POLQ: variants seen among roughly 807,000 people sequenced by gnomAD.
POLQ encodes epididymis secretory sperm binding protein.
A neutral mutation model predicts 259.2 loss-of-function variants in POLQ; 233 were observed. The observed-to-expected ratio is 0.90, with a 90% confidence interval of 0.81 to 1.00. The LOEUF (loss-of-function observed/expected upper bound fraction) is 1.00, where lower values mean the gene tolerates loss of function less well. Ranked by LOEUF, POLQ falls within the 50% of genes least tolerant of loss-of-function variation. POLQ has a pLI of 0.00. For missense variants in POLQ, 2,871 were observed against 3,051.6 expected, an observed-to-expected ratio of 0.94 and a Z score of 1.39; for synonymous variants, 1,025 against 1,048.8, an observed-to-expected ratio of 0.98 and a Z score of 0.44.
chr3:121,527,960 A>G (rs1417052298), intron 7 of POLQ, among the ~76,000 whole-genome samples: 1 of 152,252 alleles, frequency 6.6e-6, no homozygotes, highest in Non-Finnish European at 1.5e-5. Flanking sequence ...TTACTGCAAC[A>G]GCAGCAGGAG....
chr3:121,538,585 CA>C (rs34448538), intron 4 of POLQ, among the ~76,000 whole-genome samples: 3,880 of 96,960 alleles, frequency 0.04, 54 homozygotes, highest in Non-Finnish European at 0.053. Flanking sequence ...ATTCATTCAC[CA>C]AAAAAAAAAA....
intron 2 of POLQ, among the ~76,000 whole-genome samples, chr3:121,544,306 T>G (rs1178832282): frequency 1.3e-5 from 2 of 151,486 alleles, no homozygotes; most frequent in Non-Finnish European, 2.9e-5. Flanking sequence ...TAAGCCCACA[T>G]AGCGCCACTG....
intron 6 of POLQ, 54 bp from the exon 7 acceptor site, chr3:121,529,846 A>G: frequency 7.1e-7 from 1 of 1,402,722 alleles, no homozygotes. Context: ...AGATTCTCAC[A>G]TCAGTTTAAA....
At chr3:121,526,318 A>G (rs2048373514) in intron 7 of POLQ, among the ~76,000 whole-genome samples, 1 of 152,202 alleles carries the variant, frequency 6.6e-6, no homozygotes, top group Non-Finnish European at 1.5e-5. Context: ...TGTACAACCA[A>G]AAGACTGGCA....
chr3:121,540,878 C>G (rs1162608853), intron 3 of POLQ, among the ~76,000 whole-genome samples: 1 of 146,762 alleles, frequency 6.8e-6, no homozygotes, highest in South Asian at 2.2e-4. Context: ...TTTTAATTTC[C>G]TTCTGTAAAT....
chr3:121,468,876 A>G (rs903924895), intron 22 of POLQ, among the ~76,000 whole-genome samples: 50 of 152,318 alleles, frequency 3.3e-4, no homozygotes, highest in Non-Finnish European at 1.2e-4. Flanking sequence ...TCATTCATCA[A>G]GAGAATCTAC....
At chr3:121,522,187 C>G (rs748352405) in intron 7 of POLQ, 38 bp from the exon 8 acceptor site, 4 of 1,489,006 alleles carry the variant, frequency 2.7e-6, no homozygotes, top group Non-Finnish European at 3.6e-6. Flanking sequence ...TTGCTTCTAA[C>G]TCAGCTTCTT....
intron 26 of POLQ, among the ~76,000 whole-genome samples, chr3:121,440,988 A>G (rs977497194): frequency 1.3e-5 from 2 of 152,206 alleles, no homozygotes; most frequent in Non-Finnish European, 2.9e-5. Context: ...TCCTAGACCA[A>G]CATTCATCCT....
rs3218640 is a variant in POLQ at position 121,489,164 on chromosome 3, C to T, written c.3767G>A (p.Gly1256Glu). Reference sequence around the variant, plus strand: ...TATCACAGTTCTGCTTATATCATCTCCTAATGCCTGAAAATGACTTGGTTT... The same window carrying T: ...TATCACAGTTCTGCTTATATCATCTTCTAATGCCTGAAAATGACTTGGTTT... ...ENKPSHFQAL[G>E]DDISRTVIPS... Residue 1256 changes from glycine (G) to glutamate (E), a missense_variant, in exon 16 of 30, where the codon GGA becomes GAA. Physicochemically the swap from Gly to Glu is moderately conservative, Grantham distance 98. Transcript: ENST00000264233. 4,193 of 1,613,122 alleles carry T rather than the reference C, an allele frequency of 2.6e-3. 109 individuals are homozygous for T. The African/African-American group carries it at 0.05, about 19-fold the overall frequency.
At chr3:121,492,439 C>T (rs2048076246) in intron 15 of POLQ, among the ~76,000 whole-genome samples, 1 of 152,154 alleles carries the variant, frequency 6.6e-6, no homozygotes, top group Non-Finnish European at 1.5e-5. Context: ...AAGGAATCTT[C>T]TCACAAATTG....
intron 26 of POLQ, among the ~76,000 whole-genome samples, chr3:121,441,407 C>T (rs1170515509): frequency 6.6e-6 from 1 of 152,152 alleles, no homozygotes; most frequent in Non-Finnish European, 1.5e-5. Context: ...CCATGATCAC[C>T]CTCAGACACT....
At chr3:121,514,844 T>C (rs1217180499) in intron 9 of POLQ, among the ~76,000 whole-genome samples, 2 of 152,038 alleles carry the variant, frequency 1.3e-5, no homozygotes, top group Non-Finnish European at 2.9e-5. Context: ...TGGTAGGAAA[T>C]TCTACCTGGC....
Position 121,533,195 on chromosome 3 carries a change from G to T in POLQ, c.755C>A (p.Ala252Asp). ...TTGCACAGCATTAGACAGAGAACTGGCTAGATCTGCCTGACTGTAAAAAAA... is the reference window on the plus strand; with the variant it reads ...TTGCACAGCATTAGACAGAGAACTGTCTAGATCTGCCTGACTGTAAAAAAA... ...RKSASCQADL[A>D]SSLSNAVQIV... Residue 252 changes from alanine (A) to aspartate (D), a missense_variant, in exon 6 of 30, where the codon GCC becomes GAC. Coordinates refer to ENST00000264233, the MANE Select transcript of POLQ (RefSeq NM_199420.4). 6.3e-7 allele frequency: 1 copy of T among 1,579,474 alleles called. No individual in the cohort carries two copies. Among genetic ancestry groups the T allele is most frequent in the Non-Finnish European group, 8.6e-7 (1 of 1,161,808 alleles).
At chr3:121,471,853 C>T (rs2108789900) in intron 22 of POLQ, 137 bp downstream of exon 22, 1 of 428,702 alleles carries the variant, frequency 2.3e-6, no homozygotes. Context: ...TTGGATAAAG[C>T]ATGTATTTTA....
In POLQ at chr3:121,487,879, G is replaced by T. The variant is rs762848777; in HGVS notation, c.5052C>A (p.Asn1684Lys). 6.2e-7 allele frequency: 1 copy of T among 1,609,940 alleles called. No individual in the cohort carries two copies. Among genetic ancestry groups the T allele is most frequent in the South Asian group, 1.1e-5 (1 of 89,938 alleles). Reference protein sequence around the residue: ...ELNEEQEVISNLETKQVQGIS... With the variant: ...ELNEEQEVISKLETKQVQGIS... Reference sequence around the variant, plus strand: ...TTCCCTGCACTTGTTTTGTCTCCAAGTTTGAAATAACTTCTTGTTCTTCAT... The same window carrying T: ...TTCCCTGCACTTGTTTTGTCTCCAATTTTGAAATAACTTCTTGTTCTTCAT... Residue 1684 changes from asparagine to lysine, a missense_variant, in exon 16 of 30, where the codon AAC becomes AAA. By Grantham distance (94) the Asn-to-Lys change is moderately conservative. Around this residue, in one of 3 missense-constraint regions of POLQ, gnomAD observed 2,080 missense variants for 2,126.0 expected, o/e 0.98. Transcript: ENST00000264233.
intron 12 of POLQ, among the ~76,000 whole-genome samples, chr3:121,501,611 G>A (rs1207410284): frequency 7.9e-6 from 1 of 126,790 alleles, no homozygotes; most frequent in South Asian, 2.6e-4. Context: ...GCAGTGAGCC[G>A]AGATCCCGCC....
chr3:121,521,371 A>G (rs947088313), intron 8 of POLQ, among the ~76,000 whole-genome samples: 2 of 152,172 alleles, frequency 1.3e-5, no homozygotes, highest in African/African-American at 4.8e-5. Flanking sequence ...ACAAAGGACT[A>G]CTATATACCA....
intron 4 of POLQ, 42 bp from the exon 5 acceptor site, chr3:121,537,250 C>T (rs1385612962): frequency 9.2e-7 from 1 of 1,088,564 alleles, no homozygotes; most frequent in South Asian, 1.3e-5. Context: ...CAGAATGTCA[C>T]ATCCATGAAG....
chr3:121,540,049 TTAATAA>T (rs1236127602), intron 3 of POLQ, among the ~76,000 whole-genome samples: 1 of 152,014 alleles, frequency 6.6e-6, no homozygotes, highest in African/African-American at 2.4e-5. Context: ...CAGTGGGACT[TTAATAA>T]TAATTTTTTT....
Sources: gnomAD v4.1 joint callset for allele counts (sites outside exome capture counted in the v4.1 genomes callset) on GRCh38, gnomAD v4.1.1 for gene constraint, gnomAD v4.1.1 regional missense constraint, MANE v1.5 for transcripts, NCBI Gene and HGNC (gene_info 2026-07-23, HGNC 2026-07-21) for gene names.